CNTN5: variants seen among roughly 807,000 people sequenced by gnomAD.
The protein encoded by CNTN5 is contactin 5, also known as contactin-5.
A neutral mutation model predicts 129.1 loss-of-function variants in CNTN5; 77 were observed. The ratio of observed to expected loss-of-function variants is 0.60; its 90% CI spans 0.50 to 0.72. CNTN5 has a LOEUF of 0.72. Ranked by LOEUF, CNTN5 falls within the 30% of genes least tolerant of loss-of-function variation. The pLI is 0.00. For missense variants in CNTN5, 1,478 were observed against 1,328.8 expected (o/e 1.11, Z -1.75); for synonymous variants, 509 against 465.6 (o/e 1.09, Z -1.20).
chr11:100,148,943 T>C (rs560027557), intron 13 of CNTN5, among the ~76,000 whole-genome samples: 11 of 152,276 alleles, frequency 7.2e-5, no homozygotes, highest in African/African-American at 2.6e-4. Flanking sequence ...AATTTATAAT[T>C]CTTAAAGAAC....
intron 1 of CNTN5, among the ~76,000 whole-genome samples, chr11:99,023,686 CAG>C (rs1464971780): frequency 7.2e-5 from 11 of 152,148 alleles, no homozygotes. Flanking sequence ...TTATGAGGCT[CAG>C]ATATTTACAA....
intron 3 of CNTN5, among the ~76,000 whole-genome samples, chr11:99,701,589 A>G (rs1954522297): frequency 6.6e-6 from 1 of 151,122 alleles, no homozygotes; most frequent in Non-Finnish European, 1.5e-5. Context: ...CAAATTGTAT[A>G]TGTGTTATCC....
chr11:99,463,790 A>T (rs962589598), intron 2 of CNTN5, among the ~76,000 whole-genome samples: 32 of 152,156 alleles, frequency 2.1e-4, no homozygotes, highest in African/African-American at 7.7e-4. Context: ...TAAATTCTGT[A>T]AATAAGTATG....
chr11:99,776,330 A>G (rs1395049421), intron 3 of CNTN5, among the ~76,000 whole-genome samples: 1 of 151,940 alleles, frequency 6.6e-6, no homozygotes, highest in Non-Finnish European at 1.5e-5. Context: ...GTAGGTGGGG[A>G]TGTTTAATTT....
At chr11:99,790,063 A>G (rs1945683991) in intron 3 of CNTN5, among the ~76,000 whole-genome samples, 1 of 152,096 alleles carries the variant, frequency 6.6e-6, no homozygotes, top group African/African-American at 2.4e-5. Context: ...TTCACTTAAG[A>G]TAATGGCCTC....
intron 2 of CNTN5, among the ~76,000 whole-genome samples, chr11:99,357,751 T>C (rs11219581): frequency 6.6e-6 from 1 of 151,938 alleles, no homozygotes; most frequent in South Asian, 2.1e-4. Context: ...TAGAGAACAT[T>C]TACAAATTAG....
chr11:99,769,652 CAT>C (rs1944875823), intron 3 of CNTN5, among the ~76,000 whole-genome samples: 1 of 151,918 alleles, frequency 6.6e-6, no homozygotes, highest in South Asian at 2.1e-4. Context: ...GCCTGGGAAA[CAT>C]AGCGAAACCC....
At chr11:99,316,912 C>T (rs1259804213) in intron 1 of CNTN5, among the ~76,000 whole-genome samples, 1 of 152,106 alleles carries the variant, frequency 6.6e-6, no homozygotes, top group African/African-American at 2.4e-5. Flanking sequence ...ATGGGTGTTA[C>T]TCGACTGACA....
chr11:99,209,043 G>A (rs1283540690), intron 1 of CNTN5, among the ~76,000 whole-genome samples: 1 of 151,938 alleles, frequency 6.6e-6, no homozygotes, highest in South Asian at 2.1e-4. Flanking sequence ...TTTTAATAAT[G>A]TTGCAAATAT....
chr11:99,596,439 T>A (rs1013834430), intron 3 of CNTN5, among the ~76,000 whole-genome samples: 1 of 152,168 alleles, frequency 6.6e-6, no homozygotes, highest in South Asian at 2.1e-4. Context: ...CTATCTCTTA[T>A]GTGAATCTCT....
At chr11:100,090,525 CCCTTCCTT>C (rs1255371404) in intron 13 of CNTN5, among the ~76,000 whole-genome samples, 71 of 68,514 alleles carry the variant, frequency 1.0e-3, no homozygotes, top group South Asian at 2.5e-3. Flanking sequence ...CTCCCTCCCT[CCCTTCCTT>C]CCTTCCTTCC....
chr11:100,311,600 A>G (rs1022508829), intron 21 of CNTN5, among the ~76,000 whole-genome samples: 1 of 151,996 alleles, frequency 6.6e-6, no homozygotes, highest in Non-Finnish European at 1.5e-5. Context: ...TTGGAACTCA[A>G]TAAAGGAGAG....
At chr11:100,290,204 G>A (rs1950925396) in intron 18 of CNTN5, among the ~76,000 whole-genome samples, 1 of 151,464 alleles carries the variant, frequency 6.6e-6, no homozygotes, top group South Asian at 2.1e-4. Context: ...CAGATTCAAT[G>A]CCATCCCCAT....
intron 6 of CNTN5, among the ~76,000 whole-genome samples, chr11:99,846,590 A>C (rs1947706688): frequency 6.6e-6 from 1 of 152,016 alleles, no homozygotes; most frequent in South Asian, 2.1e-4. Context: ...TATATTAATA[A>C]TTAAAGTGTA....
intron 3 of CNTN5, among the ~76,000 whole-genome samples, chr11:99,817,409 G>A (rs1166430152): frequency 1.3e-5 from 2 of 152,246 alleles, no homozygotes; most frequent in East Asian, 1.9e-4. Context: ...AAGCCCATTT[G>A]TGTACCACTT....
chr11:99,973,536 T>G (rs1937721130), intron 8 of CNTN5, among the ~76,000 whole-genome samples: 1 of 152,174 alleles, frequency 6.6e-6, no homozygotes, highest in African/African-American at 2.4e-5. Context: ...CTACCTGATT[T>G]TTCTCTGAAT....
At chr11:99,362,478 A>AATAGATAAAAAAG (rs1825341650) in intron 2 of CNTN5, among the ~76,000 whole-genome samples, 1 of 151,900 alleles carries the variant, frequency 6.6e-6, no homozygotes, top group African/African-American at 2.4e-5. Context: ...GAAGTTTTTA[A>AATAGATAAAAAAG]TTTTGATAAA....
chr11:100,356,706 T>C lies in CNTN5; in HGVS notation c.*486T>C, dbSNP rs1952532475. 6.4e-6 allele frequency: 1 copy of C among 157,314 alleles called. No homozygotes were observed. Among genetic ancestry groups the C allele is most frequent in the South Asian group, 1.8e-4 (1 of 5,412 alleles). 9.7% of individuals were successfully genotyped at this position (157,314 alleles called of 1,614,324 possible). ...TCAATTGACAAACCAGCAGGACATA[T>C]GAAAAATGCTTCAGTGATGTGGTCC... On this transcript the variant is annotated 3_prime_UTR_variant, in exon 25 of 25. Transcript: ENST00000524871.
chr11:99,841,094 AATACTT>A lies in CNTN5; in HGVS notation c.278-3757_278-3752del, dbSNP rs1458477805. 2.0e-5 allele frequency among the ~76,000 whole-genome samples: 3 copies of A among 152,274 alleles called. No homozygotes were observed. The East Asian group carries it at 5.8e-4, about 29-fold the overall frequency. On this transcript the variant is annotated intron_variant, in intron 4 of 24. Coordinates refer to ENST00000524871, the MANE Select transcript of CNTN5 (RefSeq NM_014361.4). The stretch of plus-strand genomic sequence containing the variant: ...AGCCACTGTTTAACTTGGCATTTGA[AATACTT>A]TCTTTTTCACATTTCTATTTACTGT...
Sources: gnomAD v4.1 joint callset for allele counts (sites outside exome capture counted in the v4.1 genomes callset) on GRCh38, gnomAD v4.1.1 for gene constraint, MANE v1.5 for transcripts, NCBI Gene and HGNC (gene_info 2026-07-23, HGNC 2026-07-21) for gene names.